The following NMT1 variants were observed in gnomAD, a reference collection of about 807,000 sequenced individuals.
NMT1 encodes N-myristoyltransferase 1, also known as glycylpeptide N-tetradecanoyltransferase 1.
Under a neutral mutation model 63.4 loss-of-function variants are expected in NMT1, and 12 were observed. That is an observed-to-expected ratio of 0.19 (90% CI 0.12 to 0.31). The LOEUF (loss-of-function observed/expected upper bound fraction) is 0.31, where lower values mean the gene tolerates loss of function less well. NMT1 is among the 10% of genes least tolerant of loss of function. The pLI, the probability that NMT1 is intolerant of heterozygous loss-of-function variation, is 1.00. For missense variants in NMT1, 432 were observed against 634.6 expected (o/e 0.68, Z 3.43); for synonymous variants, 228 against 234.3 (o/e 0.97, Z 0.25).
At chr17:45,067,167 A>G (rs1219168642) in intron 1 of NMT1, among the ~76,000 whole-genome samples, 1 of 141,650 alleles carries the variant, frequency 7.1e-6, no homozygotes, top group Non-Finnish European at 1.5e-5. Context: ...GTTTAATTTG[A>G]TTTTTTTTTT....
intron 3 of NMT1, among the ~76,000 whole-genome samples, chr17:45,091,839 A>G (rs1481311333): frequency 2.0e-5 from 3 of 152,196 alleles, no homozygotes; most frequent in Non-Finnish European, 2.9e-5. Context: ...CAGCCTGGGC[A>G]ACAGTGAGAC....
intron 3 of NMT1, among the ~76,000 whole-genome samples, chr17:45,091,664 TA>T (rs534188065): frequency 1.7e-3 from 261 of 152,314 alleles, no homozygotes; most frequent in Non-Finnish European, 1.9e-3. Flanking sequence ...AATGTTTTTT[TA>T]ATATACATAG....
intron 2 of NMT1, among the ~76,000 whole-genome samples, chr17:45,082,011 G>A (rs533000655): frequency 1.3e-5 from 2 of 152,312 alleles, no homozygotes; most frequent in Admixed American, 1.3e-4. Flanking sequence ...TACTGCATGT[G>A]CTGCTGTGCC....
In NMT1 at chr17:45,108,137, C is replaced by T. The variant is rs1312685053; in HGVS notation, c.*2498C>T. On this transcript the variant is annotated 3_prime_UTR_variant, in exon 12 of 12. Coordinates refer to ENST00000258960, the MANE Select transcript of NMT1 (RefSeq NM_021079.5). ...CTGAGGCCTTCACGCTAACCGTCCT[C>T]GAGCAACTGCTGTTGGAAGGCCTCC... The T allele has an allele frequency of 1.3e-5, 2 of 152,304 alleles. No homozygotes were observed. The highest frequency in any genetic ancestry group is 2.9e-5 in the Non-Finnish European group (2 of 68,090). 9.4% of individuals were successfully genotyped at this position (152,304 alleles called of 1,614,324 possible).
chr17:45,064,442 T>C (rs181204676), intron 1 of NMT1, among the ~76,000 whole-genome samples: 199 of 152,176 alleles, frequency 1.3e-3, no homozygotes, highest in African/African-American at 4.3e-3. Context: ...TCCATGAACT[T>C]TGAGAGGAAA....
chr17:45,104,608 C>G lies in NMT1; in HGVS notation c.1333-251C>G. The G allele has an allele frequency of 7.8e-7, 1 of 1,283,826 alleles. No homozygotes were observed. Among genetic ancestry groups the G allele is most frequent in the Non-Finnish European group, 9.9e-7 (1 of 1,011,944 alleles). 79.5% of individuals were successfully genotyped at this position (1,283,826 alleles called of 1,614,324 possible). On this transcript the variant is annotated intron_variant, in intron 10 of 11. Transcript: ENST00000258960. The surrounding 1 kb of genome is among the most constrained non-coding windows in gnomAD (Gnocchi z 4.2). ...GGCATAACCAGGAATAGCAAGAGCC[C>G]CGGCCTGGACACTGAGTACATATGT...
intron 2 of NMT1, among the ~76,000 whole-genome samples, chr17:45,082,699 C>T (rs911190354): frequency 6.6e-6 from 1 of 152,188 alleles, no homozygotes; most frequent in Non-Finnish European, 1.5e-5. Flanking sequence ...ACAACTCAAA[C>T]ATATTCATAA....
chr17:45,082,336 G>A (rs1424709262), intron 2 of NMT1, among the ~76,000 whole-genome samples: 1 of 150,390 alleles, frequency 6.6e-6, no homozygotes, highest in African/African-American at 2.5e-5. Context: ...GCTGGGTCTT[G>A]AACTCCTGGG....
chr17:45,105,128 GC>G lies in NMT1; in HGVS notation c.1470+135del. The G allele has an allele frequency of 8.3e-7, 1 of 1,200,342 alleles. No individual in the cohort carries two copies. The highest frequency in any genetic ancestry group is 1.2e-6 in the Non-Finnish European group (1 of 856,998). The allele number at this position is 1,200,342 out of a possible 1,614,324, so 74.4% of individuals were successfully genotyped here. ...TACCTCGAGTTGAACCTTTGAAAATGCCCTCCCTCTGCTGGCCAGACCAGCA... is the reference window on the plus strand; with the variant it reads ...TACCTCGAGTTGAACCTTTGAAAATGCCTCCCTCTGCTGGCCAGACCAGCA... On this transcript the variant is annotated intron_variant, in intron 11 of 11. Transcript: ENST00000258960. This position sits in a 1 kb window ranked among gnomAD's most constrained non-coding sequence, Gnocchi z 4.2.
At chr17:45,070,440 CAG>C (rs1236765129) in intron 1 of NMT1, among the ~76,000 whole-genome samples, 15 of 151,932 alleles carry the variant, frequency 9.9e-5, no homozygotes, top group African/African-American at 3.6e-4. Context: ...ATTTTTGAGA[CAG>C]AGTCTCGCTC....
At position 45,091,187 on chromosome 17, in the gene NMT1, G is replaced by GACACACACACACACACACACAC. The variant is rs3062356; in HGVS notation, c.386-2469_386-2448dup. 1.2e-3 allele frequency among the ~76,000 whole-genome samples: 141 copies of GACACACACACACACACACACAC among 121,050 alleles called. 3 individuals are homozygous for GACACACACACACACACACACAC. The highest frequency in any genetic ancestry group is 4.4e-3 in the Middle Eastern group (1 of 226). The allele number at this position is 121,050 out of a possible 152,430, so 79.4% of individuals were successfully genotyped here. On this transcript the variant is annotated intron_variant, in intron 3 of 11. Transcript: ENST00000258960. ...ATATTTCCTCTGAGAGGTCTTTCCT[G>GACACACACACACACACACACAC]ACACACACACACACACACACACACA...
chr17:45,096,327 A>G (rs765755405), intron 5 of NMT1, 42 bp downstream of exon 5: 11 of 1,501,624 alleles, frequency 7.3e-6, no homozygotes, highest in African/African-American at 1.4e-5. Flanking sequence ...AGAGGAAGGC[A>G]TAGAGCAGAT....
At chr17:45,093,655 G>A (rs369216461) in intron 3 of NMT1, 30 bp from the exon 4 acceptor site, 88 of 1,600,016 alleles carry the variant, frequency 5.5e-5, no homozygotes, top group Non-Finnish European at 6.3e-5. Flanking sequence ...GGGGCAAAGG[G>A]TGAGGCTCAC....
chr17:45,073,045 G>C (rs190662684), intron 1 of NMT1, among the ~76,000 whole-genome samples: 32 of 152,198 alleles, frequency 2.1e-4, no homozygotes, highest in Admixed American at 2.6e-4. Context: ...TATTATGCCT[G>C]TAAAGCATCA....
At chr17:45,080,557 C>T (rs1210098707) in intron 1 of NMT1, among the ~76,000 whole-genome samples, 1 of 148,500 alleles carries the variant, frequency 6.7e-6, no homozygotes, top group African/African-American at 2.5e-5. Flanking sequence ...CAAGCTCTAC[C>T]TCCCAGGTTC....
chr17:45,092,249 T>C (rs2054093189), intron 3 of NMT1, among the ~76,000 whole-genome samples: 1 of 152,152 alleles, frequency 6.6e-6, no homozygotes. Context: ...TGCTGTACAC[T>C]AGGGGCTGGC....
intron 4 of NMT1, 30 bp from the exon 5 acceptor site, chr17:45,096,164 C>A: frequency 6.5e-7 from 1 of 1,537,008 alleles, no homozygotes; most frequent in Non-Finnish European, 9.0e-7. Flanking sequence ...TGGCAGAATA[C>A]CTCCAAGTGA....
At chr17:45,093,348 G>A (rs1478944857) in intron 3 of NMT1, among the ~76,000 whole-genome samples, 1 of 152,254 alleles carries the variant, frequency 6.6e-6, no homozygotes, top group Non-Finnish European at 1.5e-5. Flanking sequence ...CTGGGCCAGG[G>A]CCCTGACAGC....
At chr17:45,093,560 A>T in intron 3 of NMT1, 125 bp from the exon 4 acceptor site, 1 of 702,868 alleles carries the variant, frequency 1.4e-6, no homozygotes. Context: ...TGCCAAGCAC[A>T]GAATGTTCTT....
Sources: gnomAD v4.1 joint callset for allele counts (sites outside exome capture counted in the v4.1 genomes callset) on GRCh38, gnomAD v4.1.1 for gene constraint, Gnocchi (gnomAD v3.1) non-coding constraint, MANE v1.5 for transcripts, NCBI Gene and HGNC (gene_info 2026-07-23, HGNC 2026-07-21) for gene names.